HOOK3: variants seen among roughly 807,000 people sequenced by gnomAD.
HOOK3 encodes hook microtubule tethering protein 3, also known as protein Hook homolog 3.
In HOOK3, 24 loss-of-function variants were observed where a neutral mutation model predicts 116.3. That is an observed-to-expected ratio of 0.21 (90% CI 0.15 to 0.29). The LOEUF (loss-of-function observed/expected upper bound fraction) is 0.29, where lower values mean the gene tolerates loss of function less well. HOOK3 is among the 10% of genes least tolerant of loss of function. The pLI is 1.00. For missense variants in HOOK3, 632 were observed against 830.2 expected, an observed-to-expected ratio of 0.76 and a Z score of 2.93; for synonymous variants, 275 against 283.0, an observed-to-expected ratio of 0.97 and a Z score of 0.28.
In HOOK3 at chr8:43,018,665, G is replaced by T; in HGVS notation, c.*167G>T. On this transcript the variant is annotated 3_prime_UTR_variant, in exon 22 of 22. Coordinates refer to ENST00000307602, the MANE Select transcript of HOOK3 (RefSeq NM_032410.4). The stretch of plus-strand genomic sequence containing the variant: ...TTCTCTCTCCTGTATCTTTGTTTTA[G>T]TTTCTTTGGTTTTTATTTTGTAGTC... 7.9e-6 allele frequency: 5 copies of T among 635,352 alleles called. No homozygotes were observed. Among genetic ancestry groups the T allele is most frequent in the Middle Eastern group, 4.8e-4 (1 of 2,102 alleles). 39.4% of individuals were successfully genotyped at this position (635,352 alleles called of 1,614,324 possible).
chr8:42,955,878 T>C (rs1169090363), intron 6 of HOOK3, among the ~76,000 whole-genome samples: 1 of 152,156 alleles, frequency 6.6e-6, no homozygotes, highest in Non-Finnish European at 1.5e-5. Flanking sequence ...TCTTTTTCTT[T>C]TAAGAGATGT....
At chr8:42,932,054 T>C (rs966826492) in intron 4 of HOOK3, among the ~76,000 whole-genome samples, 50 of 152,162 alleles carry the variant, frequency 3.3e-4, no homozygotes, top group African/African-American at 1.2e-3. Flanking sequence ...CATTATATTA[T>C]TAGAGCCATG....
At chr8:42,979,335 A>G (rs1343643303) in intron 13 of HOOK3, among the ~76,000 whole-genome samples, 1 of 152,138 alleles carries the variant, frequency 6.6e-6, no homozygotes, top group Non-Finnish European at 1.5e-5. Context: ...ATTTTTTTCA[A>G]CTGAGAAAAG....
intron 2 of HOOK3, among the ~76,000 whole-genome samples, chr8:42,919,385 G>T (rs1389524368): frequency 1.3e-5 from 2 of 150,562 alleles, no homozygotes; most frequent in Non-Finnish European, 3.0e-5. Flanking sequence ...ATCTCAGACG[G>T]GGTGGCAGGG....
chr8:42,958,730 C>CA (rs1203875729), intron 7 of HOOK3, among the ~76,000 whole-genome samples: 2 of 151,320 alleles, frequency 1.3e-5, no homozygotes, highest in African/African-American at 4.9e-5. Context: ...GGCCAACACT[C>CA]ATTAGGTATT....
At chr8:42,920,255 G>C (rs555633205) in intron 2 of HOOK3, among the ~76,000 whole-genome samples, 1 of 152,092 alleles carries the variant, frequency 6.6e-6, no homozygotes, top group Non-Finnish European at 1.5e-5. Flanking sequence ...TTTTGAGAAA[G>C]TTACCTTTAT....
rs750872483 is a variant in HOOK3 at position 43,013,003 on chromosome 8, T to G, written c.1840-48T>G. On this transcript the variant is annotated intron_variant, in intron 19 of 21. Coordinates refer to ENST00000307602, the MANE Select transcript of HOOK3 (RefSeq NM_032410.4). ...GTCATTCTTTTCTTAAACGTTACAT[T>G]CTTTAAGTTTGAGACTTTTTAAATT... is the stretch of plus-strand genomic sequence containing the variant. The G allele has an allele frequency of 1.8e-5, 20 of 1,118,378 alleles. No individual in the cohort carries two copies. The East Asian group carries it at 4.0e-4, about 22-fold the overall frequency. 69.3% of individuals were successfully genotyped at this position (1,118,378 alleles called of 1,614,324 possible). A position where few individuals can be genotyped will look rare whatever the true frequency, so the allele number is the denominator to read the frequency against.
At chr8:42,903,921 A>T (rs1807248732) in intron 1 of HOOK3, among the ~76,000 whole-genome samples, 1 of 151,944 alleles carries the variant, frequency 6.6e-6, no homozygotes, top group African/African-American at 2.4e-5. Flanking sequence ...GCGCCACTGC[A>T]CTCCAGCCTG....
intron 4 of HOOK3, 60 bp from the exon 5 acceptor site, chr8:42,943,251 GTT>G (rs373167898): frequency 2.3e-3 from 1,964 of 862,360 alleles, no homozygotes; most frequent in South Asian, 2.7e-3. Flanking sequence ...CCTCGATCAA[GTT>G]TTTTTTTTTT....
At chr8:42,969,199 A>G (rs1808684700) in intron 11 of HOOK3, among the ~76,000 whole-genome samples, 1 of 152,200 alleles carries the variant, frequency 6.6e-6, no homozygotes, top group Non-Finnish European at 1.5e-5. Flanking sequence ...TTACAACTTG[A>G]TGGACTTTCT....
rs890650872 is a variant in HOOK3 at position 42,968,974 on chromosome 8, A to AT, written c.1122+769dup. On this transcript the variant is annotated intron_variant, in intron 11 of 21. Coordinates refer to ENST00000307602, the MANE Select transcript of HOOK3 (RefSeq NM_032410.4). ...TGATACAGTGAAAGCACTCTTTGTAATTTTTTTTTCTTTTGCTCAGTGAGA... is the reference window on the plus strand; with the variant it reads ...TGATACAGTGAAAGCACTCTTTGTAATTTTTTTTTTCTTTTGCTCAGTGAGA... Among the ~76,000 whole-genome samples the AT allele has an allele frequency of 3.3e-5, 5 of 151,442 alleles. No individual in the cohort carries two copies. In the East Asian group the frequency reaches 7.7e-4, roughly 23 times the overall value.
chr8:42,986,484 G>A (rs2130451963), intron 14 of HOOK3, among the ~76,000 whole-genome samples, 171 bp from the exon 15 acceptor site: 1 of 152,268 alleles, frequency 6.6e-6, no homozygotes, highest in Admixed American at 6.5e-5. Flanking sequence ...AACCTGAAAT[G>A]TAATGTCTTT....
At chr8:43,005,138 G>GT (rs1368658598) in intron 17 of HOOK3, among the ~76,000 whole-genome samples, 1 of 144,712 alleles carries the variant, frequency 6.9e-6, no homozygotes, top group South Asian at 2.2e-4. Context: ...AGAATAATAC[G>GT]TAATGATTAA....
At chr8:42,926,922 A>G (rs1807777207) in intron 3 of HOOK3, among the ~76,000 whole-genome samples, 1 of 152,190 alleles carries the variant, frequency 6.6e-6, no homozygotes, top group South Asian at 2.1e-4. Flanking sequence ...AATCCCGTGC[A>G]ACCCCTAATT....
intron 21 of HOOK3, among the ~76,000 whole-genome samples, chr8:43,016,392 T>C (rs1422427940): frequency 6.6e-6 from 1 of 152,198 alleles, no homozygotes; most frequent in African/African-American, 2.4e-5. Flanking sequence ...AGTGCTGGGA[T>C]TACAGGCATG....
chr8:43,013,311 G>A lies in HOOK3; in HGVS notation c.1945-18G>A. ...TTTATATCTTTACATATTTACATGT[G>A]CTTTTTTTTTTTTTTAGAAAGAATA... On this transcript the variant is annotated intron_variant, in intron 20 of 21. Transcript: ENST00000307602. 8.0e-7 allele frequency: 1 copy of A among 1,256,770 alleles called. No homozygotes were observed. The allele number at this position is 1,256,770 out of a possible 1,614,324, so 77.9% of individuals were successfully genotyped here.
chr8:42,912,371 C>G (rs1410741153), intron 2 of HOOK3, among the ~76,000 whole-genome samples: 2 of 151,282 alleles, frequency 1.3e-5, no homozygotes, highest in Non-Finnish European at 2.9e-5. Flanking sequence ...CTCTCTTTGT[C>G]TATGTAGATT....
intron 2 of HOOK3, among the ~76,000 whole-genome samples, chr8:42,916,313 T>C (rs144032595): frequency 2.9e-4 from 44 of 152,358 alleles, no homozygotes; most frequent in Admixed American, 9.8e-4. Context: ...TTTTTTGGCT[T>C]TTTGTTTTCA....
chr8:42,978,610 C>T (rs963082861), intron 13 of HOOK3, among the ~76,000 whole-genome samples: 1 of 152,068 alleles, frequency 6.6e-6, no homozygotes, highest in Admixed American at 6.6e-5. Context: ...AACAGGGTTT[C>T]ACCATGTTGG....
Sources: allele counts gnomAD v4.1 joint callset (sites outside exome capture counted in the v4.1 genomes callset), GRCh38; gene constraint gnomAD v4.1.1; transcripts MANE v1.5; gene names NCBI Gene and HGNC (gene_info 2026-07-23, HGNC 2026-07-21).